Variants in TOM1L2 observed in about 807,000 individuals in gnomAD.
The protein encoded by TOM1L2 is target of myb1 like 2 membrane trafficking protein.
Under a neutral mutation model 67.9 loss-of-function variants are expected in TOM1L2, and 31 were observed. The ratio of observed to expected loss-of-function variants is 0.46; its 90% CI spans 0.34 to 0.62. The LOEUF is 0.62. TOM1L2 is among the 20% of genes least tolerant of loss of function. TOM1L2 has a pLI of 0.01. For synonymous variants in TOM1L2, 256 were observed against 254.0 expected, an observed-to-expected ratio of 1.01 and a Z score of -0.07; for missense variants, 606 against 663.5, an observed-to-expected ratio of 0.91 and a Z score of 0.95.
chr17:17,862,994 C>T (rs1225329025), intron 10 of TOM1L2, 146 bp from the exon 11 acceptor site: 1 of 657,242 alleles, frequency 1.5e-6, no homozygotes, highest in African/African-American at 1.8e-5. Context: ...ACTCCCAGTG[C>T]ACCACATGCC....
chr17:17,905,325 A>C (rs575738272), intron 2 of TOM1L2, among the ~76,000 whole-genome samples: 14 of 152,242 alleles, frequency 9.2e-5, no homozygotes, highest in African/African-American at 3.4e-4. Context: ...TCTACTGCTG[A>C]TCTCTGCTCC....
At chr17:17,890,718 TC>T (rs1426292525) in intron 4 of TOM1L2, among the ~76,000 whole-genome samples, 34 of 152,298 alleles carry the variant, frequency 2.2e-4, no homozygotes, top group Middle Eastern at 6.8e-3. Flanking sequence ...CAAGTGGTCA[TC>T]CGGAAGGTGG....
chr17:17,852,132 G>T (rs1223191565), intron 12 of TOM1L2, among the ~76,000 whole-genome samples: 1 of 152,060 alleles, frequency 6.6e-6, no homozygotes, highest in African/African-American at 2.4e-5. Context: ...GTCTATAGCT[G>T]GCTTCACCCA....
intron 4 of TOM1L2, among the ~76,000 whole-genome samples, chr17:17,889,436 C>G (rs2038161985): frequency 6.6e-6 from 1 of 152,156 alleles, no homozygotes; most frequent in Non-Finnish European, 1.5e-5. Flanking sequence ...CACAGGGGGA[C>G]TTTGGAAAAG....
chr17:17,867,244 A>C (rs1182902049), intron 8 of TOM1L2, among the ~76,000 whole-genome samples: 1 of 151,882 alleles, frequency 6.6e-6, no homozygotes, highest in Non-Finnish European at 1.5e-5. Flanking sequence ...TAACCACCTT[A>C]CCTTGGAGCT....
At chr17:17,853,086 G>A (rs112682302) in intron 12 of TOM1L2, among the ~76,000 whole-genome samples, 6 of 152,112 alleles carry the variant, frequency 3.9e-5, no homozygotes, top group Non-Finnish European at 7.4e-5. Context: ...GTGCTTGCTG[G>A]CAGGCCTTCT....
intron 7 of TOM1L2, among the ~76,000 whole-genome samples, chr17:17,876,873 C>T (rs1047786705): frequency 6.6e-6 from 1 of 152,208 alleles, no homozygotes; most frequent in African/African-American, 2.4e-5. Flanking sequence ...TGGGGACACG[C>T]AGAAAGACCC....
At position 17,844,052 on chromosome 17, in the gene TOM1L2, A is replaced by C. The variant is rs2236513; in HGVS notation, c.*3583T>G. ...AACCCAAGTGGGTGAGACGTCCCCA[A>C]AGCCGACAGTGCAGAAGCTCCCAGG... On this transcript the variant is annotated 3_prime_UTR_variant, in exon 15 of 15. Coordinates refer to ENST00000379504, the MANE Select transcript of TOM1L2 (RefSeq NM_001082968.2). The C allele has an allele frequency of 0.57, 86,197 of 152,338 alleles. 25,424 individuals carry two copies. The highest frequency in any genetic ancestry group is 0.63 in the Non-Finnish European group (43,128 of 68,172). The allele number at this position is 152,338 out of a possible 1,614,324, so 9.4% of individuals were successfully genotyped here. A position where few individuals can be genotyped will look rare whatever the true frequency, so the allele number is the denominator to read the frequency against.
chr17:17,918,045 T>C (rs184501752), intron 1 of TOM1L2, among the ~76,000 whole-genome samples: 2 of 152,330 alleles, frequency 1.3e-5, no homozygotes, highest in East Asian at 1.9e-4. Context: ...CAACGTTTTA[T>C]AGTTTTCGGT....
intron 1 of TOM1L2, among the ~76,000 whole-genome samples, chr17:17,937,771 C>A (rs931799910): frequency 6.6e-6 from 1 of 152,170 alleles, no homozygotes; most frequent in Non-Finnish European, 1.5e-5. Flanking sequence ...ACCACTCATG[C>A]AAGAGCATAA....
rs576886754 is a variant in TOM1L2, at chr17:17,903,350, G to A, written c.137+4097C>T. Among the ~76,000 whole-genome samples the A allele has an allele frequency of 1.5e-4, 23 of 152,290 alleles. No individual in the cohort carries two copies. The South Asian group carries it at 3.3e-3, about 22-fold the overall frequency. On this transcript the variant is annotated intron_variant, in intron 2 of 14. Transcript: ENST00000379504. The stretch of plus-strand genomic sequence containing the variant: ...CAAAATGTTGAGTAATTGGCTGGGC[G>A]CGGTGGCTCACGCCTGTAATCCCAG...
chr17:17,884,012 A>G (rs2037865536), intron 5 of TOM1L2, among the ~76,000 whole-genome samples: 1 of 152,114 alleles, frequency 6.6e-6, no homozygotes, highest in Non-Finnish European at 1.5e-5. Context: ...CATGACCTAC[A>G]TGCTTTTAAC....
chr17:17,883,938 C>CA (rs1471857425), intron 5 of TOM1L2, among the ~76,000 whole-genome samples: 1 of 152,108 alleles, frequency 6.6e-6, no homozygotes, highest in African/African-American at 2.4e-5. Context: ...GGCTCTCCCC[C>CA]AGGCTAGGAG....
chr17:17,873,644 TCTC>T (rs2037266750), intron 7 of TOM1L2, among the ~76,000 whole-genome samples: 1 of 152,188 alleles, frequency 6.6e-6, no homozygotes, highest in Non-Finnish European at 1.5e-5. Flanking sequence ...TTGATGTCAG[TCTC>T]CTCAACAGAG....
chr17:17,967,893 CA>C (rs1204044138), intron 1 of TOM1L2, among the ~76,000 whole-genome samples: 1 of 152,160 alleles, frequency 6.6e-6, no homozygotes, highest in Non-Finnish European at 1.5e-5. Context: ...AGGTGTGAGC[CA>C]CCGCACCTGT....
At chr17:17,934,349 A>T (rs1285328161) in intron 1 of TOM1L2, among the ~76,000 whole-genome samples, 1 of 152,136 alleles carries the variant, frequency 6.6e-6, no homozygotes, top group Non-Finnish European at 1.5e-5. Flanking sequence ...TGGGAGGCTG[A>T]GGGAGGGGTA....
intron 1 of TOM1L2, 90 bp downstream of exon 1, chr17:17,972,172 T>C: frequency 6.7e-7 from 1 of 1,492,008 alleles, no homozygotes; most frequent in East Asian, 2.5e-5. Flanking sequence ...GCTCGTGAAG[T>C]GGCACCGGCG....
In TOM1L2 at chr17:17,893,810, C is replaced by T. The variant is rs375848127; in HGVS notation, c.217G>A (p.Val73Met). ...NYREVMLALT[V>M]LETCVKNCGH... ...CAGTTCTTCACACATGTCTCCAGCA[C>T]CTGATGTGGGGAGGGAAGGAAAAGG... is the stretch of plus-strand genomic sequence containing the variant. The change falls in exon 4 of 15, where the codon GTG becomes ATG. Residue 73 changes from valine (V) to methionine (M), a missense_variant and splice_region_variant. Physicochemically the swap from Val to Met is conservative, Grantham distance 21 (BLOSUM62 1). Around this residue, in one of 2 missense-constraint regions of TOM1L2, gnomAD observed 63 missense variants for 109.5 expected, o/e 0.58. Coordinates refer to ENST00000379504, the MANE Select transcript of TOM1L2 (RefSeq NM_001082968.2). The T allele has an allele frequency of 6.2e-7, 1 of 1,613,434 alleles. No homozygotes were observed. The highest frequency in any genetic ancestry group is 1.3e-5 in the African/African-American group (1 of 74,896).
intron 1 of TOM1L2, among the ~76,000 whole-genome samples, chr17:17,956,390 G>A (rs937149053): frequency 2.0e-5 from 3 of 152,172 alleles, no homozygotes; most frequent in Non-Finnish European, 4.4e-5. Context: ...TAGACATAAA[G>A]GTTCTCTAAG....
Sources: allele counts gnomAD v4.1 joint callset (sites outside exome capture counted in the v4.1 genomes callset), GRCh38; gene constraint gnomAD v4.1.1; regional missense constraint gnomAD v4.1.1; transcripts MANE v1.5; gene names NCBI Gene and HGNC (gene_info 2026-07-23, HGNC 2026-07-21).